The following ADAMTSL3 variants were observed in gnomAD, a reference collection of about 807,000 sequenced individuals.
ADAMTSL3 encodes the protein ADAMTS like 3, also known as ADAMTS-like protein 3.
ADAMTSL3 carries 128 observed loss-of-function variants against 201.7 expected under a neutral mutation model. The observed-to-expected ratio is 0.63, with a 90% CI of 0.55 to 0.73. The LOEUF (loss-of-function observed/expected upper bound fraction) is 0.73. Ranked by LOEUF, ADAMTSL3 falls within the 30% of genes least tolerant of loss-of-function variation. The pLI is 0.00. For synonymous variants in ADAMTSL3, 738 were observed against 748.4 expected, an observed-to-expected ratio of 0.99 and a Z score of 0.23; for missense variants, 1,990 against 2,119.6, an observed-to-expected ratio of 0.94 and a Z score of 1.20.
chr15:83,875,207 A>G (rs565292908), intron 9 of ADAMTSL3, among the ~76,000 whole-genome samples: 57 of 152,328 alleles, frequency 3.7e-4, no homozygotes, highest in Non-Finnish European at 7.3e-4. Flanking sequence ...GGAAGGAAGG[A>G]AGGTTGGATA....
At chr15:84,023,542 A>G (rs913303547) in intron 26 of ADAMTSL3, among the ~76,000 whole-genome samples, 3 of 152,180 alleles carry the variant, frequency 2.0e-5, no homozygotes, top group African/African-American at 7.2e-5. Context: ...GTAATTCTCA[A>G]AAGGAAGATC....
chr15:83,777,689 C>T (rs2063101746), intron 4 of ADAMTSL3, among the ~76,000 whole-genome samples: 1 of 152,174 alleles, frequency 6.6e-6, no homozygotes, highest in Non-Finnish European at 1.5e-5. Context: ...CACAAGAACC[C>T]TAACAACTCA....
chr15:84,016,354 G>A, intron 24 of ADAMTSL3, 29 bp from the exon 25 acceptor site: 12 of 1,565,512 alleles, frequency 7.7e-6, no homozygotes, highest in Non-Finnish European at 9.7e-6. Flanking sequence ...TGTCTAACTG[G>A]TAAAAGTGCT....
intron 24 of ADAMTSL3, among the ~76,000 whole-genome samples, 193 bp downstream of exon 24, chr15:84,014,917 A>G (rs574595340): frequency 6.6e-6 from 1 of 151,526 alleles, no homozygotes; most frequent in South Asian, 2.1e-4. Flanking sequence ...CCCAGCACCT[A>G]ACACAGATGT....
At chr15:83,688,753 TATAC>T (rs1218428168) in intron 2 of ADAMTSL3, among the ~76,000 whole-genome samples, 1,921 of 147,656 alleles carry the variant, frequency 0.013, 35 homozygotes, top group African/African-American at 0.043. Flanking sequence ...CATGCATATA[TATAC>T]ACACACACAC....
intron 7 of ADAMTSL3, among the ~76,000 whole-genome samples, chr15:83,855,969 C>G (rs2064722175): frequency 2.0e-5 from 3 of 151,966 alleles, no homozygotes; most frequent in African/African-American, 7.2e-5. Flanking sequence ...CTAGATCAGG[C>G]CACTGCACTC....
At chr15:83,793,154 G>A (rs917885776) in intron 4 of ADAMTSL3, among the ~76,000 whole-genome samples, 8 of 152,152 alleles carry the variant, frequency 5.3e-5, no homozygotes, top group African/African-American at 1.9e-4. Context: ...GAAAAAGAGA[G>A]TAAAAAGGCA....
intron 5 of ADAMTSL3, among the ~76,000 whole-genome samples, chr15:83,819,122 A>G (rs12439803): frequency 1 from 151,403 of 152,106 alleles, 75,356 homozygotes; most frequent in East Asian, 1. Context: ...ATACAAAAAT[A>G]AGCTGGGCGT....
chr15:83,815,280 C>T (rs566296167), intron 5 of ADAMTSL3, among the ~76,000 whole-genome samples: 1 of 152,160 alleles, frequency 6.6e-6, no homozygotes, highest in African/African-American at 2.4e-5. Flanking sequence ...AATTCTGTGC[C>T]CTTCATTGCA....
chr15:84,002,790 A>G (rs1479879159), intron 23 of ADAMTSL3, among the ~76,000 whole-genome samples: 1 of 152,126 alleles, frequency 6.6e-6, no homozygotes, highest in African/African-American at 2.4e-5. Context: ...TCTGATACTA[A>G]TGTTTGAAAG....
At chr15:83,671,794 TGTCC>T (rs1034018659) in intron 2 of ADAMTSL3, among the ~76,000 whole-genome samples, 1 of 152,206 alleles carries the variant, frequency 6.6e-6, no homozygotes, top group Non-Finnish European at 1.5e-5. Context: ...TATTGATCTG[TGTCC>T]TTAGGAGCTC....
chr15:83,736,197 C>A (rs543840252), intron 3 of ADAMTSL3, among the ~76,000 whole-genome samples: 2 of 152,138 alleles, frequency 1.3e-5, no homozygotes, highest in Admixed American at 1.3e-4. Flanking sequence ...TAATTCTGGC[C>A]TTTGGCCCCT....
chr15:83,696,328 C>T (rs576198546), intron 2 of ADAMTSL3, among the ~76,000 whole-genome samples: 16 of 152,338 alleles, frequency 1.1e-4, no homozygotes, highest in Admixed American at 7.2e-4. Context: ...GATCCTCCTG[C>T]CTCGGCTTCC....
intron 3 of ADAMTSL3, among the ~76,000 whole-genome samples, chr15:83,773,004 A>G (rs117642887): frequency 0.013 from 1,937 of 152,348 alleles, 13 homozygotes; most frequent in Non-Finnish European, 0.022. Flanking sequence ...CAGATATAAT[A>G]CTGAGCTTAA....
At chr15:83,830,699 G>C (rs2064137918) in intron 6 of ADAMTSL3, among the ~76,000 whole-genome samples, 1 of 152,186 alleles carries the variant, frequency 6.6e-6, no homozygotes, top group Admixed American at 6.5e-5. Flanking sequence ...CACACTTCTA[G>C]AGGCCAGAAG....
intron 8 of ADAMTSL3, among the ~76,000 whole-genome samples, chr15:83,866,286 G>T (rs999175581): frequency 6.6e-6 from 1 of 152,130 alleles, no homozygotes; most frequent in African/African-American, 2.4e-5. Context: ...TATAAATCAT[G>T]CTGCTATAAA....
intron 21 of ADAMTSL3, among the ~76,000 whole-genome samples, chr15:83,985,210 A>T (rs1844392116): frequency 6.6e-6 from 1 of 152,098 alleles, no homozygotes; most frequent in African/African-American, 2.4e-5. Context: ...ATACACATTT[A>T]AAAAAATCAC....
At chr15:84,037,077 G>C (rs978460531) in intron 29 of ADAMTSL3, 90 bp downstream of exon 29, 2 of 1,344,624 alleles carry the variant, frequency 1.5e-6, no homozygotes, top group Non-Finnish European at 2.1e-6. Flanking sequence ...AACCCTGCTA[G>C]TGATTACCTC....
chr15:83,797,651 T>C (rs2063449739), intron 4 of ADAMTSL3, among the ~76,000 whole-genome samples: 4 of 152,022 alleles, frequency 2.6e-5, no homozygotes, highest in African/African-American at 7.2e-5. Context: ...ATTCTTCATA[T>C]TGGGAAAAAA....
Sources: gnomAD v4.1 joint callset for allele counts (sites outside exome capture counted in the v4.1 genomes callset) on GRCh38, gnomAD v4.1.1 for gene constraint, MANE v1.5 for transcripts, NCBI Gene and HGNC (gene_info 2026-07-23, HGNC 2026-07-21) for gene names.